The following OPA3 variants were observed in gnomAD, a reference collection of about 807,000 sequenced individuals.
OPA3 encodes outer mitochondrial membrane lipid metabolism regulator OPA3, also known as optic atrophy 3 protein.
In OPA3, 6 loss-of-function variants were observed where a neutral mutation model predicts 4.0. The observed-to-expected ratio is 1.51, with a 90% CI of 0.83 to 2.99. The LOEUF is 2.99. Ranked by LOEUF, OPA3 falls within the 30% of genes most tolerant of loss-of-function variation. The pLI, the probability that OPA3 is intolerant of heterozygous loss-of-function variation, is 0.00. For synonymous variants in OPA3, 105 were observed against 117.1 expected, an observed-to-expected ratio of 0.90 and a Z score of 0.67; for missense variants, 235 against 256.2, an observed-to-expected ratio of 0.92 and a Z score of 0.56.
intron 1 of OPA3, among the ~76,000 whole-genome samples, chr19:45,531,050 A>G (rs1464463560): frequency 2.1e-5 from 3 of 145,730 alleles, no homozygotes; most frequent in African/African-American, 7.6e-5. Flanking sequence ...TCAGCCTCCC[A>G]AAGTGCTGGG....
intron 1 of OPA3, among the ~76,000 whole-genome samples, chr19:45,554,306 G>A (rs1013664267): frequency 7.2e-5 from 11 of 152,192 alleles, no homozygotes; most frequent in African/African-American, 2.7e-4. Context: ...CAAAGTTGGG[G>A]CTACAGATGG....
chr19:45,578,354 C>A (rs1156375379), intron 1 of OPA3, among the ~76,000 whole-genome samples: 3 of 152,172 alleles, frequency 2.0e-5, no homozygotes, highest in Admixed American at 2.0e-4. Context: ...GATGGATCAG[C>A]TGGCCCCACC....
chr19:45,527,581 T>TC (rs1297669460), exon 2 of OPA3: 5 of 151,898 alleles, frequency 3.3e-5, no homozygotes, highest in African/African-American at 1.2e-4. Context: ...GCTAATATTT[T>TC]CATTTTTCGT....
Position 45,553,599 on chromosome 19 carries a change from A to T in OPA3, c.455T>A (p.Leu152Gln). The change falls in exon 2 of 2, where the codon CTG becomes CAG. Residue 152 changes from leucine (L) to glutamine (Q), a missense_variant. Physicochemically the swap from Leu to Gln is moderately radical, Grantham distance 113. Transcript: ENST00000263275. ...GCGCACCTCTTGCAGCTCTGTGCGC[A>T]GTTCCTCCAGGGCGCCCTGTGGCGG... ...AAPPQGALEE[L>Q]RTELQEVRAQ... 6.2e-7 allele frequency: 1 copy of T among 1,611,466 alleles called. No homozygotes were observed. The highest frequency in any genetic ancestry group is 8.5e-7 in the Non-Finnish European group (1 of 1,179,610).
intron 1 of OPA3, among the ~76,000 whole-genome samples, chr19:45,563,778 A>T (rs1456409178): frequency 6.8e-6 from 1 of 147,452 alleles, no homozygotes; most frequent in Non-Finnish European, 1.5e-5. Context: ...CTGGTCTCAA[A>T]CTTCTGACCT....
chr19:45,574,869 T>C (rs1969744193), intron 1 of OPA3, among the ~76,000 whole-genome samples: 1 of 152,060 alleles, frequency 6.6e-6, no homozygotes, highest in African/African-American at 2.4e-5. Context: ...TGAGCAGCCA[T>C]GTGAGATATT....
intron 1 of OPA3, among the ~76,000 whole-genome samples, chr19:45,536,792 TG>T (rs1291213692): frequency 6.6e-6 from 1 of 152,150 alleles, no homozygotes; most frequent in East Asian, 1.9e-4. Context: ...GGGAAAAGAA[TG>T]GACTTTTTAA....
chr19:45,583,897 G>A (rs1352908969), intron 1 of OPA3, among the ~76,000 whole-genome samples: 1 of 152,150 alleles, frequency 6.6e-6, no homozygotes, highest in Non-Finnish European at 1.5e-5. Context: ...GAGCTCCGGG[G>A]CTCCCACTTT....
chr19:45,533,053 G>A (rs914938461), intron 1 of OPA3, among the ~76,000 whole-genome samples: 20 of 61,374 alleles, frequency 3.3e-4, no homozygotes, highest in South Asian at 7.5e-4. Flanking sequence ...CACCATGCCC[G>A]GATATTTTTG....
rs1336766443 is a variant in OPA3, at chr19:45,551,700, GT to G, written c.*1813del. 2 of 985,172 alleles carry G rather than the reference GT, an allele frequency of 2.0e-6. No individual in the cohort carries two copies. The highest frequency in any genetic ancestry group is 2.4e-6 in the Non-Finnish European group (2 of 829,808). 61.0% of individuals were successfully genotyped at this position (985,172 alleles called of 1,614,324 possible). ...GCAGTCCAAGGAAATTAATCAAGCA[GT>G]TAAGGCCAACTGCTGGCCTAATTGG... On this transcript the variant is annotated 3_prime_UTR_variant, in exon 2 of 2. Transcript: ENST00000263275.
chr19:45,581,199 T>C (rs1422163549), intron 1 of OPA3, among the ~76,000 whole-genome samples: 1 of 152,084 alleles, frequency 6.6e-6, no homozygotes, highest in African/African-American at 2.4e-5. Context: ...TGAAATCTAA[T>C]ACTTTCCCAT....
chr19:45,560,559 CTG>C (rs759090674), intron 1 of OPA3, among the ~76,000 whole-genome samples: 5 of 152,124 alleles, frequency 3.3e-5, no homozygotes, highest in Non-Finnish European at 7.4e-5. Context: ...GAATGTGGCA[CTG>C]TGCATTGCCC....
intron 1 of OPA3, among the ~76,000 whole-genome samples, chr19:45,554,947 T>C (rs1346602548): frequency 6.6e-6 from 1 of 151,862 alleles, no homozygotes; most frequent in Non-Finnish European, 1.5e-5. Flanking sequence ...CGCGCCACCA[T>C]GCCCGTCTAA....
chr19:45,577,338 G>A (rs1019054941), intron 1 of OPA3, among the ~76,000 whole-genome samples: 1 of 152,220 alleles, frequency 6.6e-6, no homozygotes, highest in East Asian at 1.9e-4. Flanking sequence ...GTCAGCTCAG[G>A]ACGCCTGACC....
intron 1 of OPA3, among the ~76,000 whole-genome samples, chr19:45,540,060 T>G (rs1346842801): frequency 6.6e-6 from 1 of 152,064 alleles, no homozygotes; most frequent in Non-Finnish European, 1.5e-5. Context: ...GGCTCATGCC[T>G]GTAATCCCAG....
intron 1 of OPA3, among the ~76,000 whole-genome samples, chr19:45,567,235 G>A (rs1028946569): frequency 1.8e-4 from 27 of 151,612 alleles, no homozygotes; most frequent in Admixed American, 1.8e-3. Context: ...AGCTACTCAG[G>A]AGGCTGAGGC....
At chr19:45,570,666 G>T (rs751967609) in intron 1 of OPA3, among the ~76,000 whole-genome samples, 3 of 151,802 alleles carry the variant, frequency 2.0e-5, no homozygotes, top group Non-Finnish European at 4.4e-5. Flanking sequence ...CAGCCTGGGC[G>T]ACAGAGTGAG....
At chr19:45,537,055 C>A (rs1034915430) in intron 1 of OPA3, among the ~76,000 whole-genome samples, 1 of 152,096 alleles carries the variant, frequency 6.6e-6, no homozygotes, top group African/African-American at 2.4e-5. Flanking sequence ...CATGGTGAAA[C>A]CCCATCTCTA....
At chr19:45,537,396 CAAAAAAAAA>C (rs1181396046) in intron 1 of OPA3, among the ~76,000 whole-genome samples, 2 of 28,918 alleles carry the variant, frequency 6.9e-5, no homozygotes, top group Non-Finnish European at 1.1e-4. Flanking sequence ...GACTCTGTCT[CAAAAAAAAA>C]AAAAAAAAAA....
Sources: gnomAD v4.1 joint callset for allele counts (sites outside exome capture counted in the v4.1 genomes callset) on GRCh38, gnomAD v4.1.1 for gene constraint, MANE v1.5 for transcripts, NCBI Gene and HGNC (gene_info 2026-07-23, HGNC 2026-07-21) for gene names.